The following LMF1 variants were observed in gnomAD, a reference collection of about 807,000 sequenced individuals.
The protein encoded by LMF1 is lipase maturation factor 1.
LMF1 carries 68 observed loss-of-function variants against 60.6 expected under a neutral mutation model. That is an observed-to-expected ratio of 1.12 (90% CI 0.92 to 1.37). The LOEUF is 1.37. LMF1 is among the 40% of genes most tolerant of loss of function. The probability of loss-of-function intolerance (pLI) is 0.00; values close to 1 mark genes in which losing one functional copy is unlikely to be tolerated. For synonymous variants in LMF1, 418 were observed against 324.7 expected (o/e 1.29, Z -3.09); for missense variants, 948 against 767.2 (o/e 1.24, Z -2.78).
chr16:889,298 G>A (rs185175085), intron 5 of LMF1, among the ~76,000 whole-genome samples: 84 of 152,338 alleles, frequency 5.5e-4, no homozygotes, highest in Admixed American at 3.3e-3. Flanking sequence ...TGAATTTGCC[G>A]GCAACTGCCT....
intron 2 of LMF1, among the ~76,000 whole-genome samples, chr16:939,969 C>T (rs549657236): frequency 3.2e-4 from 48 of 152,188 alleles, no homozygotes; most frequent in African/African-American, 1.0e-3. Context: ...TTAAGGATCT[C>T]GAGGTGAGGG....
chr16:925,415 G>C (rs1390457056), intron 3 of LMF1, among the ~76,000 whole-genome samples: 1 of 152,142 alleles, frequency 6.6e-6, no homozygotes, highest in East Asian at 1.9e-4. Context: ...GTGTGAATGA[G>C]ACAAAATGGC....
intron 4 of LMF1, among the ~76,000 whole-genome samples, chr16:896,860 G>A (rs2070676660): frequency 6.6e-6 from 1 of 152,164 alleles, no homozygotes; most frequent in African/African-American, 2.4e-5. Flanking sequence ...CAGGAGTGGA[G>A]GATAATTATA....
At chr16:917,488 CGCAGGCCCACG>C (rs2071314751) in intron 3 of LMF1, among the ~76,000 whole-genome samples, 1 of 128,842 alleles carries the variant, frequency 7.8e-6, no homozygotes, top group African/African-American at 3.8e-5. Flanking sequence ...TGCGGGCGGG[CGCAGGCCCACG>C]TGAAGAAATG....
chr16:924,918 G>A (rs1267796710), intron 3 of LMF1, among the ~76,000 whole-genome samples: 1 of 152,268 alleles, frequency 6.6e-6, no homozygotes, highest in East Asian at 1.9e-4. Context: ...TTGAGGCCCA[G>A]GCGGGAGAAC....
chr16:976,663 G>C (rs1366838036), intron 1 of LMF1: 1 of 454,148 alleles, frequency 2.2e-6, no homozygotes, highest in Admixed American at 2.3e-5. Flanking sequence ...CACACTGAGA[G>C]TGGAGACGGA....
At position 909,542 on chromosome 16, in the gene LMF1, G is replaced by A. The variant is rs191429277; in HGVS notation, c.663+1389C>T. On this transcript the variant is annotated intron_variant, in intron 4 of 10. Transcript: ENST00000262301. Reference sequence around the variant, plus strand: ...CACGCTACACGCTATACCAAGCCACGCTATGCAGAACCATGCTACACGCTA... The same window carrying A: ...CACGCTACACGCTATACCAAGCCACACTATGCAGAACCATGCTACACGCTA... Among the ~76,000 whole-genome samples, 762 of 152,204 alleles carry A rather than the reference G, an allele frequency of 5.0e-3. 41 individuals are homozygous for A. Among genetic ancestry groups the A allele is most frequent in the Admixed American group, 0.044 (674 of 15,284 alleles).
intron 4 of LMF1, among the ~76,000 whole-genome samples, chr16:896,675 G>A (rs1423240935): frequency 1.3e-5 from 2 of 152,150 alleles, no homozygotes; most frequent in East Asian, 3.9e-4. Flanking sequence ...ACCGGGCAGG[G>A]GCACAACCAC....
upstream of LMF1, among the ~76,000 whole-genome samples, chr16:971,263 C>T (rs909442678): frequency 6.6e-6 from 1 of 152,214 alleles, no homozygotes; most frequent in Admixed American, 6.5e-5. Context: ...TCGCCCGACC[C>T]GAGCTCACTG....
intron 5 of LMF1, among the ~76,000 whole-genome samples, chr16:883,441 T>A (rs1413857082): frequency 6.6e-6 from 1 of 152,248 alleles, no homozygotes; most frequent in African/African-American, 2.4e-5. Flanking sequence ...TTGGGGTGTG[T>A]TGGGCAATAG....
intron 2 of LMF1, 161 bp downstream of exon 2, chr16:954,196 G>A: frequency 2.6e-6 from 2 of 777,080 alleles, no homozygotes; most frequent in East Asian, 2.7e-5. Flanking sequence ...TGTGGCTGGT[G>A]CACTGGCCGC....
At chr16:895,342 G>A (rs967904300) in intron 4 of LMF1, among the ~76,000 whole-genome samples, 2 of 152,364 alleles carry the variant, frequency 1.3e-5, no homozygotes, top group Admixed American at 6.5e-5. Flanking sequence ...AGCCACGTCT[G>A]CGAAACATTA....
intron 6 of LMF1, among the ~76,000 whole-genome samples, chr16:876,407 G>T (rs886123613): frequency 1.4e-4 from 21 of 152,192 alleles, no homozygotes; most frequent in Non-Finnish European, 2.5e-4. Flanking sequence ...TCGTCCGTTT[G>T]TCGGAGCTCA....
intron 2 of LMF1, among the ~76,000 whole-genome samples, chr16:943,996 G>A (rs1219479961): frequency 6.6e-6 from 1 of 152,214 alleles, no homozygotes; most frequent in Admixed American, 6.5e-5. Flanking sequence ...GAATGAGTCT[G>A]TCTGGTAAGC....
chr16:876,892 C>CAAAG (rs1258277508), intron 6 of LMF1, among the ~76,000 whole-genome samples: 6 of 152,128 alleles, frequency 3.9e-5, no homozygotes, highest in African/African-American at 1.4e-4. Context: ...GAGAAAGATA[C>CAAAG]AAAGAACAAA....
intron 10 of LMF1, among the ~76,000 whole-genome samples, chr16:859,051 C>T (rs80276819): frequency 1.6e-5 from 1 of 62,370 alleles, no homozygotes; most frequent in African/African-American, 8.1e-5. Flanking sequence ...TGTCACGGGA[C>T]GGGTGTGAGT....
At chr16:967,080 G>C (rs1006877547) in intron 1 of LMF1, among the ~76,000 whole-genome samples, 1 of 152,194 alleles carries the variant, frequency 6.6e-6, no homozygotes, top group South Asian at 2.1e-4. Flanking sequence ...CGTCTTGTCA[G>C]GGAATCCAGC....
At chr16:941,787 C>A (rs1473061307) in intron 2 of LMF1, among the ~76,000 whole-genome samples, 2 of 152,186 alleles carry the variant, frequency 1.3e-5, no homozygotes, top group East Asian at 3.8e-4. Flanking sequence ...TCACAACAGA[C>A]CTGGGGTTAA....
At chr16:859,225 GTGGTGTCAC>G (rs2069339502) in intron 10 of LMF1, among the ~76,000 whole-genome samples, 1 of 118,298 alleles carries the variant, frequency 8.5e-6, no homozygotes, top group Admixed American at 8.0e-5. Flanking sequence ...CGGGTGTGCA[GTGGTGTCAC>G]GGGACGGGTG....
Sources: gnomAD v4.1 joint callset for allele counts (sites outside exome capture counted in the v4.1 genomes callset) on GRCh38, gnomAD v4.1.1 for gene constraint, MANE v1.5 for transcripts, NCBI Gene and HGNC (gene_info 2026-07-23, HGNC 2026-07-21) for gene names.